ZFHX3: variants seen among roughly 807,000 people sequenced by gnomAD.
The protein encoded by ZFHX3 is zinc finger homeobox 3.
Under a neutral mutation model 279.1 loss-of-function variants are expected in ZFHX3, and 42 were observed. The ratio of observed to expected loss-of-function variants is 0.15; its 90% CI spans 0.12 to 0.19. ZFHX3 has a LOEUF of 0.19. Ranked by LOEUF, ZFHX3 falls within the 10% of genes least tolerant of loss-of-function variation. ZFHX3 has a pLI of 1.00. For synonymous variants in ZFHX3, 2,293 were observed against 1,957.8 expected (o/e 1.17, Z -4.52); for missense variants, 4,981 against 4,754.0 (o/e 1.05, Z -1.40).
At chr16:73,522,636 G>A (rs1418729688) in intron 2 of ZFHX3, among the ~76,000 whole-genome samples, 1 of 152,168 alleles carries the variant, frequency 6.6e-6, no homozygotes, top group Non-Finnish European at 1.5e-5. Context: ...AGAGGGCCTA[G>A]GGATCCTGAG....
intron 1 of ZFHX3, among the ~76,000 whole-genome samples, chr16:73,869,788 CATA>C (rs1471824979): frequency 6.6e-6 from 1 of 152,204 alleles, no homozygotes; most frequent in African/African-American, 2.4e-5. Context: ...AAAGGAACTT[CATA>C]ATGTTTAACC....
intron 2 of ZFHX3, among the ~76,000 whole-genome samples, chr16:73,677,799 A>C (rs1017043959): frequency 2.0e-5 from 3 of 152,030 alleles, no homozygotes; most frequent in Admixed American, 2.0e-4. Context: ...CAAAGATGGC[A>C]CAAAAAAATA....
At chr16:73,009,172 C>T (rs779127482) in intron 1 of ZFHX3, among the ~76,000 whole-genome samples, 11 of 151,898 alleles carry the variant, frequency 7.2e-5, no homozygotes, top group Non-Finnish European at 1.5e-4. Context: ...AGCATCATAC[C>T]GTATCAACTC....
At chr16:73,782,260 A>G (rs1597113114) in intron 1 of ZFHX3, among the ~76,000 whole-genome samples, 1 of 152,328 alleles carries the variant, frequency 6.6e-6, no homozygotes, top group Non-Finnish European at 1.5e-5. Flanking sequence ...GGTGAATCCA[A>G]GTGCTGATAC....
chr16:73,037,209 T>C (rs1431253175), intron 1 of ZFHX3, among the ~76,000 whole-genome samples: 19 of 152,196 alleles, frequency 1.2e-4, no homozygotes, highest in Admixed American at 1.2e-3. Context: ...CAGTGTAAAG[T>C]TCTTCCTTAG....
intron 5 of ZFHX3, among the ~76,000 whole-genome samples, chr16:73,250,378 G>A (rs1245303742): frequency 1.3e-5 from 2 of 152,084 alleles, no homozygotes; most frequent in Non-Finnish European, 2.9e-5. Flanking sequence ...AGTTTTTGTG[G>A]ATGTGTGTGT....
At chr16:73,270,382 A>G (rs2014106985) in intron 4 of ZFHX3, among the ~76,000 whole-genome samples, 1 of 152,190 alleles carries the variant, frequency 6.6e-6, no homozygotes. Context: ...AAACATAGCC[A>G]CGACCACTGA....
At chr16:73,580,252 G>A (rs928121768) in intron 2 of ZFHX3, among the ~76,000 whole-genome samples, 1 of 151,840 alleles carries the variant, frequency 6.6e-6, no homozygotes, top group African/African-American at 2.4e-5. Context: ...GGCCAAGGCG[G>A]GCAGATCACA....
chr16:73,542,089 C>T (rs906025644), intron 2 of ZFHX3, among the ~76,000 whole-genome samples: 6 of 152,182 alleles, frequency 3.9e-5, no homozygotes, highest in Admixed American at 1.3e-4. Context: ...CTCGAGCAAC[C>T]GCGCCCGGCC....
chr16:72,953,185 C>A (rs1254146025), intron 2 of ZFHX3, among the ~76,000 whole-genome samples: 1 of 152,080 alleles, frequency 6.6e-6, no homozygotes, highest in African/African-American at 2.4e-5. Context: ...ACATGCATTC[C>A]AGAAGGCTTA....
chr16:73,850,710 G>A (rs1961572986), intron 1 of ZFHX3, among the ~76,000 whole-genome samples: 1 of 150,860 alleles, frequency 6.6e-6, no homozygotes, highest in Non-Finnish European at 1.5e-5. Flanking sequence ...ATGTCTACTG[G>A]ACACCCAGGG....
chr16:73,772,687 C>T, intron 1 of ZFHX3, among the ~76,000 whole-genome samples: 1 of 152,210 alleles, frequency 6.6e-6, no homozygotes, highest in Non-Finnish European at 1.5e-5. Flanking sequence ...ACAACTGCAT[C>T]TCATCCTCGG....
At chr16:73,174,863 C>CAAAAAAA (rs34447211) in intron 5 of ZFHX3, among the ~76,000 whole-genome samples, 2 of 86,826 alleles carry the variant, frequency 2.3e-5, no homozygotes, top group Non-Finnish European at 2.4e-5. Context: ...ACTAAAAATA[C>CAAAAAAA]AAAAAAAAAA....
At chr16:73,173,791 T>C (rs1415995537) in intron 5 of ZFHX3, among the ~76,000 whole-genome samples, 1 of 152,100 alleles carries the variant, frequency 6.6e-6, no homozygotes, top group African/African-American at 2.4e-5. Flanking sequence ...GCCATTCCCA[T>C]GAAGGGAACG....
At position 72,787,486 on chromosome 16, in the gene ZFHX3, G is replaced by A. The variant is rs765359099; in HGVS notation, c.10790C>T (p.Pro3597Leu). The A allele has an allele frequency of 7.4e-6, 12 of 1,612,488 alleles. No homozygotes were observed. The African/African-American group carries it at 1.6e-4, about 22-fold the overall frequency. The change falls in exon 10 of 10, where the codon CCC becomes CTC. Residue 3597 changes from proline to leucine, a missense_variant. By Grantham distance (98) the Pro-to-Leu change is moderately conservative. Coordinates refer to ENST00000268489, the MANE Select transcript of ZFHX3 (RefSeq NM_006885.4). ...GGGGGCGGCGGCCGACGGGGGAGGG[G>A]GGCTGTCGTTTGAGTGAGCGGCAGA... Reference protein sequence around the residue: ...SQSAAHSNDSPPPPSAAAPSS... With the variant: ...SQSAAHSNDSLPPPSAAAPSS...
intron 4 of ZFHX3, among the ~76,000 whole-genome samples, chr16:72,859,819 T>C (rs933884798): frequency 6.6e-6 from 1 of 152,094 alleles, no homozygotes; most frequent in African/African-American, 2.4e-5. Context: ...AAGAACACAA[T>C]TGGGCCACTC....
At chr16:73,515,588 GAGAGAGGA>G (rs1259065780) in intron 2 of ZFHX3, among the ~76,000 whole-genome samples, 1 of 151,850 alleles carries the variant, frequency 6.6e-6, no homozygotes, top group Non-Finnish European at 1.5e-5. Flanking sequence ...GAGGGAGAGA[GAGAGAGGA>G]AGAGAGGGAG....
chr16:73,362,241 C>T (rs2016445186), intron 3 of ZFHX3, among the ~76,000 whole-genome samples: 1 of 152,170 alleles, frequency 6.6e-6, no homozygotes, highest in Non-Finnish European at 1.5e-5. Context: ...CTCTGAGAGG[C>T]ACAATGTTTT....
rs980769464 is a variant in ZFHX3 at position 73,421,605 on chromosome 16, G to GA, written c.-1291+34397dup. On this transcript the variant is annotated intron_variant, in intron 3 of 17. Coordinates refer to the ZFHX3 transcript ENST00000641206. ...CATTTTATGCCAGTAAAAATCAACA[G>GA]AAAAAAAAGACAAGAAATTCTAGGC... Among the ~76,000 whole-genome samples, 6 of 151,888 alleles carry GA rather than the reference G, an allele frequency of 4.0e-5. 1 individual carries two copies. In the East Asian group the frequency reaches 1.2e-3, roughly 29 times the overall value.
Sources: gnomAD v4.1 joint callset for allele counts (sites outside exome capture counted in the v4.1 genomes callset) on GRCh38, gnomAD v4.1.1 for gene constraint, MANE v1.5 for transcripts, NCBI Gene and HGNC (gene_info 2026-07-23, HGNC 2026-07-21) for gene names.